Variants in ZFPM2 observed in about 807,000 individuals in gnomAD.
ZFPM2 encodes the protein zinc finger protein, FOG family member 2.
In ZFPM2, 20 loss-of-function variants were observed where a neutral mutation model predicts 98.6. That is an observed-to-expected ratio of 0.20 (90% CI 0.14 to 0.29). The LOEUF is 0.29. Ranked by LOEUF, ZFPM2 falls within the 10% of genes least tolerant of loss-of-function variation. The probability of loss-of-function intolerance (pLI) is 1.00; values close to 1 mark genes in which losing one functional copy is unlikely to be tolerated. For missense variants in ZFPM2, 1,310 were observed against 1,388.6 expected (o/e 0.94, Z 0.90); for synonymous variants, 518 against 502.7 (o/e 1.03, Z -0.41).
chr8:105,458,176 G>A (rs141566995), intron 3 of ZFPM2, among the ~76,000 whole-genome samples: 312 of 152,216 alleles, frequency 2.0e-3, no homozygotes, highest in African/African-American at 6.9e-3. Flanking sequence ...CCCATAGGCC[G>A]TATATTAGGT....
chr8:105,683,076 C>T (rs1486747389), intron 5 of ZFPM2, among the ~76,000 whole-genome samples: 5 of 152,028 alleles, frequency 3.3e-5, no homozygotes, highest in Non-Finnish European at 5.9e-5. Context: ...CCTTGGGCCC[C>T]TTTTTATAAG....
At chr8:105,640,572 T>C (rs879659576) in intron 5 of ZFPM2, among the ~76,000 whole-genome samples, 17 of 152,182 alleles carry the variant, frequency 1.1e-4, no homozygotes, top group South Asian at 2.1e-4. Context: ...CTAGGCACCA[T>C]TGAAATAATG....
intron 1 of ZFPM2, among the ~76,000 whole-genome samples, chr8:105,370,323 G>A (rs548630741): frequency 6.6e-6 from 1 of 152,070 alleles, no homozygotes; most frequent in African/African-American, 2.4e-5. Flanking sequence ...TTTAAGGGAG[G>A]TAACTACCAG....
chr8:105,748,138 G>A (rs1379616270), intron 5 of ZFPM2, among the ~76,000 whole-genome samples: 1 of 151,964 alleles, frequency 6.6e-6, no homozygotes, highest in East Asian at 1.9e-4. Context: ...TTACAAAGTA[G>A]AGACCACACA....
chr8:105,583,232 C>A (rs567093107), intron 4 of ZFPM2, among the ~76,000 whole-genome samples: 1 of 152,126 alleles, frequency 6.6e-6, no homozygotes, highest in South Asian at 2.1e-4. Context: ...AAACCTTCTC[C>A]AACTTCATGA....
chr8:105,430,406 T>G (rs1811996750), intron 2 of ZFPM2, among the ~76,000 whole-genome samples: 1 of 152,180 alleles, frequency 6.6e-6, no homozygotes, highest in Non-Finnish European at 1.5e-5. Context: ...CCAAACAGAT[T>G]CACAAAAAGA....
At chr8:105,646,178 G>A (rs1358918141) in intron 5 of ZFPM2, among the ~76,000 whole-genome samples, 1 of 152,088 alleles carries the variant, frequency 6.6e-6, no homozygotes, top group East Asian at 1.9e-4. Context: ...CAAGGGTGGG[G>A]TTTTCGGTTC....
rs36124912 is a variant in ZFPM2 at position 105,377,607 on chromosome 8, C to CAAAAAAAAAAAA, written c.41-41522_41-41511dup. Among the ~76,000 whole-genome samples the CAAAAAAAAAAAA allele has an allele frequency of 9.4e-5, 6 of 63,876 alleles. 3 individuals carry two copies. Among genetic ancestry groups the CAAAAAAAAAAAA allele is most frequent in the African/African-American group, 2.4e-4 (4 of 16,590 alleles). 41.9% of individuals were successfully genotyped at this position (63,876 alleles called of 152,430 possible). ...CAAAACCCCGTTTTTCTTAAAAATC[C>CAAAAAAAAAAAA]AAAAAAAAAAAAAAAAAAAAAAAAA... On this transcript the variant is annotated intron_variant, in intron 1 of 7. Coordinates refer to ENST00000407775, the MANE Select transcript of ZFPM2 (RefSeq NM_012082.4).
At chr8:105,569,356 C>T (rs1301502521) in intron 4 of ZFPM2, among the ~76,000 whole-genome samples, 1 of 152,176 alleles carries the variant, frequency 6.6e-6, no homozygotes, top group African/African-American at 2.4e-5. Flanking sequence ...CCTCCTTATT[C>T]AAGACCCTGC....
intron 5 of ZFPM2, among the ~76,000 whole-genome samples, chr8:105,696,335 A>T (rs1811018374): frequency 6.6e-6 from 1 of 152,170 alleles, no homozygotes; most frequent in Non-Finnish European, 1.5e-5. Context: ...ATGATCGTGG[A>T]CATCCTTCCC....
At chr8:105,471,409 T>C (rs2130348324) in intron 3 of ZFPM2, among the ~76,000 whole-genome samples, 1 of 152,298 alleles carries the variant, frequency 6.6e-6, no homozygotes, top group East Asian at 1.9e-4. Flanking sequence ...CTAATCAAAA[T>C]CCCATGGAAC....
intron 1 of ZFPM2, among the ~76,000 whole-genome samples, chr8:105,402,142 C>T (rs1002675954): frequency 1.5e-4 from 23 of 152,042 alleles, no homozygotes; most frequent in African/African-American, 4.8e-4. Context: ...TATGTGATGC[C>T]AGTATTATCA....
chr8:105,715,653 C>T (rs1240589803), intron 5 of ZFPM2, among the ~76,000 whole-genome samples: 3 of 151,930 alleles, frequency 2.0e-5, no homozygotes, highest in Non-Finnish European at 4.4e-5. Context: ...AAATAAGGGT[C>T]ATCTGGATTA....
At chr8:105,347,094 T>C (rs1473000108) in intron 1 of ZFPM2, among the ~76,000 whole-genome samples, 5 of 152,152 alleles carry the variant, frequency 3.3e-5, no homozygotes, top group African/African-American at 4.8e-5. Flanking sequence ...AAGTATATTA[T>C]TGGAACTTTA....
At chr8:105,746,291 CA>C (rs1311992113) in intron 5 of ZFPM2, among the ~76,000 whole-genome samples, 7 of 151,856 alleles carry the variant, frequency 4.6e-5, no homozygotes, top group Non-Finnish European at 1.0e-4. Flanking sequence ...TTTAAAACAA[CA>C]CTGAGTCATG....
At chr8:105,783,731 G>A (rs1166055514) in intron 5 of ZFPM2, among the ~76,000 whole-genome samples, 7 of 152,004 alleles carry the variant, frequency 4.6e-5, no homozygotes, top group Middle Eastern at 3.2e-3. Context: ...TTTTCAAGGC[G>A]GAATAATATT....
At chr8:105,799,818 G>C (rs1177804505) in intron 7 of ZFPM2, among the ~76,000 whole-genome samples, 1 of 152,118 alleles carries the variant, frequency 6.6e-6, no homozygotes, top group African/African-American at 2.4e-5. Flanking sequence ...TTTCTTAGTG[G>C]TCTTTGCCTA....
intron 3 of ZFPM2, among the ~76,000 whole-genome samples, chr8:105,504,713 A>G (rs1408128276): frequency 6.6e-6 from 1 of 152,198 alleles, no homozygotes; most frequent in Non-Finnish European, 1.5e-5. Context: ...TTTCGCAACC[A>G]TGTTCTGACA....
At chr8:105,760,779 T>C (rs11991992) in intron 5 of ZFPM2, among the ~76,000 whole-genome samples, 27,216 of 151,978 alleles carry the variant, frequency 0.18, 4,281 homozygotes, top group African/African-American at 0.42. Context: ...AGACTTCAAC[T>C]AAAACGAAAA....
Sources: allele counts gnomAD v4.1 joint callset (sites outside exome capture counted in the v4.1 genomes callset), GRCh38; gene constraint gnomAD v4.1.1; transcripts MANE v1.5; gene names NCBI Gene and HGNC (gene_info 2026-07-23, HGNC 2026-07-21).